HERC1: variants seen among roughly 807,000 people sequenced by gnomAD.
The protein encoded by HERC1 is HECT and RLD domain containing E3 ubiquitin protein ligase family member 1.
In HERC1, 160 loss-of-function variants were observed where a neutral mutation model predicts 554.3. The ratio of observed to expected loss-of-function variants is 0.29; its 90% CI spans 0.25 to 0.33. The LOEUF (loss-of-function observed/expected upper bound fraction) is 0.33. Ranked by LOEUF, HERC1 falls within the 10% of genes least tolerant of loss-of-function variation. The probability of loss-of-function intolerance (pLI) is 1.00; values close to 1 mark genes in which losing one functional copy is unlikely to be tolerated. For missense variants in HERC1, 4,919 were observed against 5,918.5 expected (o/e 0.83, Z 5.54); for synonymous variants, 2,175 against 2,131.7 (o/e 1.02, Z -0.56).
intron 7 of HERC1, among the ~76,000 whole-genome samples, chr15:63,754,036 T>C (rs2075338041): frequency 6.6e-6 from 1 of 151,952 alleles, no homozygotes; most frequent in Non-Finnish European, 1.5e-5. Context: ...TAGTCAGGCA[T>C]GGTGGTGCAT....
chr15:63,744,444 C>T (rs1447078950), intron 12 of HERC1, among the ~76,000 whole-genome samples: 1 of 152,086 alleles, frequency 6.6e-6, no homozygotes, highest in African/African-American at 2.4e-5. Context: ...AGTGAGGTCC[C>T]CCAAGCCTCA....
intron 2 of HERC1, among the ~76,000 whole-genome samples, chr15:63,765,206 C>T (rs2075736769): frequency 6.6e-6 from 1 of 152,130 alleles, no homozygotes; most frequent in South Asian, 2.1e-4. Context: ...CACTATTCTG[C>T]TCCTTTTCTC....
intron 1 of HERC1, among the ~76,000 whole-genome samples, chr15:63,833,358 G>C (rs2078221621): frequency 6.6e-6 from 1 of 152,126 alleles, no homozygotes; most frequent in Non-Finnish European, 1.5e-5. Flanking sequence ...CCGGCGCCTG[G>C]GGACACCGGG....
At chr15:63,767,978 C>T (rs1180427490) in intron 2 of HERC1, among the ~76,000 whole-genome samples, 1 of 152,158 alleles carries the variant, frequency 6.6e-6, no homozygotes, top group Non-Finnish European at 1.5e-5. Context: ...TGTAAAGCTT[C>T]CTGTTGTCAT....
At chr15:63,714,166 C>T (rs1343595664) in intron 22 of HERC1, among the ~76,000 whole-genome samples, 1 of 151,542 alleles carries the variant, frequency 6.6e-6, no homozygotes, top group Non-Finnish European at 1.5e-5. Context: ...GAAACGTTCA[C>T]AAGCTTGGTG....
intron 54 of HERC1, among the ~76,000 whole-genome samples, chr15:63,649,142 G>C (rs933821055): frequency 4.6e-5 from 7 of 152,178 alleles, no homozygotes; most frequent in East Asian, 3.9e-4. Flanking sequence ...ATCACAAGGT[G>C]AGGAGATCGA....
rs900996478 is a variant in HERC1, at chr15:63,734,123, C to T, written c.2646+601G>A. 2.6e-5 allele frequency among the ~76,000 whole-genome samples: 4 copies of T among 152,048 alleles called. No individual in the cohort carries two copies. The highest frequency in any genetic ancestry group is 4.4e-5 in the Non-Finnish European group (3 of 67,998). ...TCAAGGTTAGAGTGAGCTATGATTG[C>T]ACCACCCTACTCCAGCGTGGATGAC... is the stretch of plus-strand genomic sequence containing the variant. On this transcript the variant is annotated intron_variant, in intron 13 of 77. Coordinates refer to ENST00000443617, the MANE Select transcript of HERC1 (RefSeq NM_003922.4). The surrounding 1 kb of genome is among the most constrained non-coding windows in gnomAD (Gnocchi z 4.6).
chr15:63,666,783 C>T (rs923124194), intron 40 of HERC1, among the ~76,000 whole-genome samples: 3 of 152,124 alleles, frequency 2.0e-5, no homozygotes, highest in Admixed American at 1.3e-4. Context: ...AATCAATACT[C>T]ATGTACTTTT....
At chr15:63,776,403 C>G (rs965607538) in intron 1 of HERC1, among the ~76,000 whole-genome samples, 1 of 152,178 alleles carries the variant, frequency 6.6e-6, no homozygotes, top group East Asian at 1.9e-4. Flanking sequence ...AACTTTGGGA[C>G]TCATAATTGT....
At chr15:63,701,030 G>T (rs1034000063) in intron 25 of HERC1, among the ~76,000 whole-genome samples, 1 of 151,402 alleles carries the variant, frequency 6.6e-6, no homozygotes, top group African/African-American at 2.4e-5. Context: ...TTTTGGGGGG[G>T]TGTTTTTTTT....
intron 25 of HERC1, 27 bp from the exon 26 acceptor site, chr15:63,699,023 T>C (rs1302103655): frequency 2.6e-6 from 4 of 1,566,516 alleles, no homozygotes; most frequent in Non-Finnish European, 3.5e-6. Flanking sequence ...TAAACATATA[T>C]CAATGGCAAT....
chr15:63,777,776 T>C (rs1305056309), intron 1 of HERC1, among the ~76,000 whole-genome samples: 1 of 152,198 alleles, frequency 6.6e-6, no homozygotes, highest in Non-Finnish European at 1.5e-5. Context: ...AGATTCCACA[T>C]GAATTCTAGA....
Position 63,664,418 on chromosome 15 carries a change from G to T in HERC1, c.8680+52C>A. 3 of 1,555,442 alleles carry T rather than the reference G, an allele frequency of 1.9e-6. No homozygotes were observed. In the South Asian group the frequency reaches 3.5e-5, roughly 18 times the overall value. ...ATCTTCTTTAATGTGCCTTTACATT[G>T]CTTTCAAAATAAGATCTTTCACAAA... is the stretch of plus-strand genomic sequence containing the variant. On this transcript the variant is annotated intron_variant, in intron 43 of 77. Coordinates refer to ENST00000443617, the MANE Select transcript of HERC1 (RefSeq NM_003922.4).
chr15:63,747,678 G>GCA (rs759161898), intron 11 of HERC1, 46 bp downstream of exon 11: 268 of 1,109,944 alleles, frequency 2.4e-4, no homozygotes, highest in Admixed American at 3.7e-4. Context: ...GCACACACGC[G>GCA]CGCGCACACA....
At chr15:63,811,809 C>CA (rs374847616) in intron 1 of HERC1, among the ~76,000 whole-genome samples, 1,761 of 76,664 alleles carry the variant, frequency 0.023, 31 homozygotes, top group East Asian at 0.065. Flanking sequence ...ACTCCGTCTC[C>CA]AAAAAAAAAA....
At chr15:63,784,781 T>G (rs2076389331) in intron 1 of HERC1, among the ~76,000 whole-genome samples, 1 of 152,166 alleles carries the variant, frequency 6.6e-6, no homozygotes, top group African/African-American at 2.4e-5. Context: ...CTAATTTTTT[T>G]TGTATTTTCA....
rs925968273 is a variant in HERC1 at position 63,749,081 on chromosome 15, AT to A, written c.2219+285del. ...TTTCCTCTTGATATGCAGATATTTA[AT>A]TTTTTTAAATCAGCATGTAGAGATG... On this transcript the variant is annotated intron_variant, in intron 10 of 77. Coordinates refer to ENST00000443617, the MANE Select transcript of HERC1 (RefSeq NM_003922.4). This position sits in a 1 kb window ranked among gnomAD's most constrained non-coding sequence, Gnocchi z 4.1. Among the ~76,000 whole-genome samples the A allele has an allele frequency of 2.0e-5, 3 of 152,110 alleles. No individual in the cohort carries two copies. Among genetic ancestry groups the A allele is most frequent in the African/African-American group, 7.2e-5 (3 of 41,426 alleles).
chr15:63,608,951 T>C lies in HERC1; in HGVS notation c.*130A>G, dbSNP rs1376205538. The stretch of plus-strand genomic sequence containing the variant: ...CTTTGTTACATTTAGAGTAACTAAA[T>C]GTGGCCATTGTTTATAATGTTGGTT... On this transcript the variant is annotated 3_prime_UTR_variant, in exon 78 of 78. Transcript: ENST00000443617. The C allele has an allele frequency of 7.2e-6, 5 of 691,810 alleles. No homozygotes were observed. Among genetic ancestry groups the C allele is most frequent in the Non-Finnish European group, 9.0e-6 (4 of 446,112 alleles). The allele number at this position is 691,810 out of a possible 1,614,324, so 42.9% of individuals were successfully genotyped here.
chr15:63,658,445 C>T, intron 48 of HERC1, 99 bp downstream of exon 48: 1 of 1,007,012 alleles, frequency 9.9e-7, no homozygotes, highest in Non-Finnish European at 1.4e-6. Context: ...CATATTCAAG[C>T]TTCTAAAATT....
Sources: gnomAD v4.1 joint callset for allele counts (sites outside exome capture counted in the v4.1 genomes callset) on GRCh38, gnomAD v4.1.1 for gene constraint, Gnocchi (gnomAD v3.1) non-coding constraint, MANE v1.5 for transcripts, NCBI Gene and HGNC (gene_info 2026-07-23, HGNC 2026-07-21) for gene names.